Variants in TANC2 observed in about 807,000 individuals in gnomAD.
The protein encoded by TANC2 is tetratricopeptide repeat, ankyrin repeat and coiled-coil containing 2, also known as protein TANC2.
Under a neutral mutation model 210.5 loss-of-function variants are expected in TANC2, and 26 were observed. The ratio of observed to expected loss-of-function variants is 0.12; its 90% CI spans 0.09 to 0.17. TANC2 has a LOEUF of 0.17. TANC2 is among the 10% of genes least tolerant of loss of function. The pLI is 1.00. For missense variants in TANC2, 2,129 were observed against 2,608.9 expected, an observed-to-expected ratio of 0.82 and a Z score of 4.01; for synonymous variants, 931 against 967.1, an observed-to-expected ratio of 0.96 and a Z score of 0.69.
intron 5 of TANC2, among the ~76,000 whole-genome samples, chr17:63,186,712 A>G (rs2041000985): frequency 6.6e-6 from 1 of 152,158 alleles, no homozygotes; most frequent in Non-Finnish European, 1.5e-5. Context: ...TAAAACTTAT[A>G]ATCCCTTAGT....
At chr17:63,158,320 A>G (rs2039908458) in intron 5 of TANC2, among the ~76,000 whole-genome samples, 1 of 152,244 alleles carries the variant, frequency 6.6e-6, no homozygotes, top group Non-Finnish European at 1.5e-5. Context: ...ACTTAGCACA[A>G]TGCCTGGAAC....
At chr17:63,088,672 T>A (rs964022691) in intron 3 of TANC2, 2 of 152,180 alleles carry the variant, frequency 1.3e-5, no homozygotes, top group African/African-American at 2.4e-5. Context: ...TATTCTCTTG[T>A]GCACTATAAA....
intron 3 of TANC2, among the ~76,000 whole-genome samples, chr17:63,077,055 A>G (rs1423495078): frequency 6.6e-6 from 1 of 152,184 alleles, no homozygotes; most frequent in African/African-American, 2.4e-5. Flanking sequence ...CTTTGTGCTT[A>G]GTACAATGGA....
chr17:63,314,889 G>A (rs1259306799), intron 10 of TANC2, among the ~76,000 whole-genome samples: 2 of 152,094 alleles, frequency 1.3e-5, no homozygotes, highest in African/African-American at 2.4e-5. Context: ...AACCTTTCTC[G>A]TGGAATAAGT....
intron 14 of TANC2, among the ~76,000 whole-genome samples, chr17:63,371,650 A>G (rs1280480207): frequency 6.6e-6 from 1 of 152,208 alleles, no homozygotes; most frequent in African/African-American, 2.4e-5. Context: ...TTGGTACTAC[A>G]AAGAGAAACT....
At chr17:63,211,854 C>T (rs1160390489) in intron 7 of TANC2, among the ~76,000 whole-genome samples, 1 of 152,126 alleles carries the variant, frequency 6.6e-6, no homozygotes, top group South Asian at 2.1e-4. Context: ...GAATGAAAGG[C>T]TCACCTGGCA....
chr17:63,204,818 C>T (rs1007990391), intron 7 of TANC2, among the ~76,000 whole-genome samples: 3 of 152,160 alleles, frequency 2.0e-5, no homozygotes, highest in Admixed American at 1.3e-4. Flanking sequence ...GGTGCAGTGG[C>T]TCATGCCTGT....
In TANC2 at chr17:63,420,933, A is replaced by G; in HGVS notation, c.5203A>G (p.Ile1735Val). The change falls in exon 28 of 28, where the codon ATA becomes GTA. Residue 1735 changes from isoleucine (I) to valine (V), a missense_variant. Transcript: ENST00000689528. The surrounding 1 kb of genome is among the most constrained non-coding windows in gnomAD (Gnocchi z 4.2). ...TAAATACCAGTCTTCACAAGGAGAC[A>G]TAGGAGTCAGCCAGAGCCGGTTGGT... 5.0e-6 allele frequency: 8 copies of G among 1,614,062 alleles called. No individual in the cohort carries two copies. Among genetic ancestry groups the G allele is most frequent in the African/African-American group, 1.3e-5 (1 of 75,066 alleles).
intron 17 of TANC2, among the ~76,000 whole-genome samples, chr17:63,392,169 C>T (rs964011103): frequency 1.3e-5 from 2 of 152,162 alleles, no homozygotes; most frequent in African/African-American, 4.8e-5. Flanking sequence ...TAGGCTTTGG[C>T]GTCAAACCCG....
chr17:63,192,893 T>A (rs901766239), intron 5 of TANC2, among the ~76,000 whole-genome samples: 5 of 152,236 alleles, frequency 3.3e-5, no homozygotes, highest in Non-Finnish European at 7.3e-5. Context: ...CCGTGTTGTA[T>A]AAATTCTCGT....
chr17:63,253,019 T>A (rs1463050038), intron 8 of TANC2, among the ~76,000 whole-genome samples: 1 of 152,224 alleles, frequency 6.6e-6, no homozygotes, highest in Non-Finnish European at 1.5e-5. Flanking sequence ...CTATTTTCAA[T>A]TTTTTGAGTA....
At chr17:63,046,491 T>A (rs2035390994) in intron 2 of TANC2, among the ~76,000 whole-genome samples, 1 of 151,528 alleles carries the variant, frequency 6.6e-6, no homozygotes, top group Non-Finnish European at 1.5e-5. Context: ...ACCACAATGC[T>A]TGGCTAATTT....
At chr17:62,979,464 A>G (rs1172560174) in intron 1 of TANC2, among the ~76,000 whole-genome samples, 2 of 152,160 alleles carry the variant, frequency 1.3e-5, no homozygotes, top group Non-Finnish European at 2.9e-5. Flanking sequence ...TTCTTATACT[A>G]GCAACTTCGT....
intron 24 of TANC2, chr17:63,413,083 T>G (rs993530463): frequency 4.2e-6 from 1 of 238,996 alleles, no homozygotes; most frequent in African/African-American, 2.3e-5. Flanking sequence ...AGGGAAACTT[T>G]AGAGTTATCA....
At chr17:63,181,629 A>G (rs888481005) in intron 5 of TANC2, among the ~76,000 whole-genome samples, 2 of 152,152 alleles carry the variant, frequency 1.3e-5, no homozygotes, top group Non-Finnish European at 2.9e-5. Context: ...ATTTCACTTG[A>G]CACCGACACC....
At chr17:63,344,407 T>C (rs2046334414) in intron 12 of TANC2, among the ~76,000 whole-genome samples, 1 of 152,176 alleles carries the variant, frequency 6.6e-6, no homozygotes, top group Admixed American at 6.5e-5. Flanking sequence ...TGTTGAATGC[T>C]TTTTTCCCCT....
At chr17:63,234,638 G>GTT (rs11379048) in intron 7 of TANC2, among the ~76,000 whole-genome samples, 38 of 149,724 alleles carry the variant, frequency 2.5e-4, no homozygotes, top group African/African-American at 7.3e-4. Flanking sequence ...GGTGCTAAAA[G>GTT]TTTTTTTTTT....
intron 19 of TANC2, among the ~76,000 whole-genome samples, chr17:63,401,810 C>G (rs556433338): frequency 1.1e-4 from 16 of 152,308 alleles, no homozygotes; most frequent in African/African-American, 3.6e-4. Context: ...TCTAGCAACT[C>G]TGGAGGCCAA....
chr17:62,984,218 C>A (rs9898783), intron 1 of TANC2, among the ~76,000 whole-genome samples: 1 of 151,746 alleles, frequency 6.6e-6, no homozygotes, highest in Non-Finnish European at 1.5e-5. Flanking sequence ...GCTTGTATGT[C>A]TCCAGGAATT....
Sources: gnomAD v4.1 joint callset for allele counts (sites outside exome capture counted in the v4.1 genomes callset) on GRCh38, gnomAD v4.1.1 for gene constraint, Gnocchi (gnomAD v3.1) non-coding constraint, MANE v1.5 for transcripts, NCBI Gene and HGNC (gene_info 2026-07-23, HGNC 2026-07-21) for gene names.